Variants in ENO4 observed in about 807,000 individuals in gnomAD.
The protein encoded by ENO4 is enolase 4, also known as 2-phospho-D-glycerate hydro-lyase.
ENO4 carries 53 observed loss-of-function variants against 63.2 expected under a neutral mutation model. The observed-to-expected ratio is 0.84, with a 90% CI of 0.67 to 1.05. The LOEUF (loss-of-function observed/expected upper bound fraction) is 1.05, where lower values mean the gene tolerates loss of function less well. ENO4 is among the 50% of genes least tolerant of loss of function. ENO4 has a pLI of 0.00. For synonymous variants in ENO4, 266 were observed against 283.8 expected (o/e 0.94, Z 0.63); for missense variants, 719 against 772.0 (o/e 0.93, Z 0.81).
chr10:116,895,716 C>T (rs779232982), intron 10 of ENO4, among the ~76,000 whole-genome samples: 5 of 152,096 alleles, frequency 3.3e-5, no homozygotes, highest in South Asian at 2.1e-4. Context: ...AGACACTAAA[C>T]GCAGTACACC....
intron 13 of ENO4, 63 bp downstream of exon 13, chr10:116,880,049 A>AG: frequency 7.7e-7 from 1 of 1,298,828 alleles, no homozygotes. Flanking sequence ...AGATTGGAAG[A>AG]GGGGGAATAG....
intron 10 of ENO4, among the ~76,000 whole-genome samples, chr10:116,875,559 G>A (rs1352173822): frequency 6.2e-5 from 1 of 16,206 alleles, no homozygotes; most frequent in Non-Finnish European, 1.2e-4. Context: ...TGTCCAGGCT[G>A]GTCACACACA....
At position 116,903,083 on chromosome 10, in the gene ENO4, A is replaced by T. The variant is rs75744232; in HGVS notation, c.1195-8416A>T. 6.3e-3 allele frequency among the ~76,000 whole-genome samples: 959 copies of T among 152,348 alleles called. 12 individuals carry two copies. Among genetic ancestry groups the T allele is most frequent in the African/African-American group, 0.022 (919 of 41,578 alleles). ...AAAAATTGTGAACCCATTCTGTTGG[A>T]CACCTCTCTGAGCCTTGCTCTATGC... On this transcript the variant is annotated intron_variant, in intron 10 of 10. Coordinates refer to the ENO4 transcript ENST00000369207.
intron 9 of ENO4, among the ~76,000 whole-genome samples, chr10:116,872,413 T>C (rs966472265): frequency 6.6e-6 from 1 of 152,112 alleles, no homozygotes; most frequent in Non-Finnish European, 1.5e-5. Context: ...AACTGAATCA[T>C]GGTGGCGGGT....
At chr10:116,907,631 T>A (rs1010086930) in intron 10 of ENO4, among the ~76,000 whole-genome samples, 1 of 152,202 alleles carries the variant, frequency 6.6e-6, no homozygotes, top group Non-Finnish European at 1.5e-5. Context: ...AAGGATTTAA[T>A]ACATCAACAA....
intron 10 of ENO4, among the ~76,000 whole-genome samples, chr10:116,896,610 CAT>C (rs1847530158): frequency 6.6e-6 from 1 of 152,118 alleles, no homozygotes; most frequent in Non-Finnish European, 1.5e-5. Flanking sequence ...CATTTGGAAA[CAT>C]ATGTTGAATA....
At chr10:116,905,465 C>T (rs1252331091) in intron 10 of ENO4, among the ~76,000 whole-genome samples, 1 of 152,068 alleles carries the variant, frequency 6.6e-6, no homozygotes, top group East Asian at 1.9e-4. Flanking sequence ...AACTTCCAAA[C>T]CAACCTAAAA....
At chr10:116,880,853 C>G (rs1846985962) in intron 13 of ENO4, among the ~76,000 whole-genome samples, 1 of 152,160 alleles carries the variant, frequency 6.6e-6, no homozygotes, top group African/African-American at 2.4e-5. Context: ...AATCCCAGTT[C>G]CAGCCAGACG....
intron 9 of ENO4, among the ~76,000 whole-genome samples, chr10:116,872,246 CA>C (rs1846716293): frequency 6.6e-6 from 1 of 152,170 alleles, no homozygotes; most frequent in African/African-American, 2.4e-5. Context: ...CAGGGTAATA[CA>C]ACGGCAATTT....
At chr10:116,907,502 T>A (rs1229311371) in intron 10 of ENO4, among the ~76,000 whole-genome samples, 1 of 152,222 alleles carries the variant, frequency 6.6e-6, no homozygotes. Flanking sequence ...AAGATCCATG[T>A]TTCCCTGCTC....
intron 2 of ENO4, 71 bp downstream of exon 2, chr10:116,855,822 C>T (rs1428134027): frequency 7.1e-7 from 1 of 1,415,394 alleles, no homozygotes; most frequent in Admixed American, 2.9e-5. Context: ...CTTGTCTAAG[C>T]TGTAGAAAAT....
chr10:116,861,525 A>T (rs1846415287), intron 6 of ENO4, among the ~76,000 whole-genome samples: 1 of 152,190 alleles, frequency 6.6e-6, no homozygotes, highest in African/African-American at 2.4e-5. Context: ...TGGCAGCAGC[A>T]AGTGAAAGCT....
At position 116,871,247 on chromosome 10, in the gene ENO4, T is replaced by A; in HGVS notation, c.1170T>A (p.Asn390Lys). 1.3e-6 allele frequency: 2 copies of A among 1,550,504 alleles called. No homozygotes were observed. The highest frequency in any genetic ancestry group is 8.7e-7 in the Non-Finnish European group (1 of 1,146,986). Residue 390 changes from asparagine (N) to lysine (K), a missense_variant, in exon 9 of 14, where the codon AAT becomes AAA. Asn to Lys is a moderately conservative substitution (Grantham distance 94, BLOSUM62 0). Around this residue, in one of 3 missense-constraint regions of ENO4, gnomAD observed 544 missense variants for 583.6 expected, o/e 0.93. Coordinates refer to ENST00000341276, the MANE Select transcript of ENO4 (RefSeq NM_001242699.2). Reference protein sequence around the residue: ...CANLGLELGTNLHLAINCAGH... With the variant: ...CANLGLELGTKLHLAINCAGH... ...ACCTGGGGCTAGAACTGGGAACAAA[T>A]CTGCATCTAGCTATCAACTGTGCTG...
chr10:116,890,818 G>A (rs930386971), intron 10 of ENO4, among the ~76,000 whole-genome samples: 8 of 152,324 alleles, frequency 5.3e-5, no homozygotes, highest in African/African-American at 1.9e-4. Flanking sequence ...CAGAACAATG[G>A]CAATGGCCAT....
chr10:116,907,618 C>T (rs531079188), intron 10 of ENO4, among the ~76,000 whole-genome samples: 2 of 152,288 alleles, frequency 1.3e-5, no homozygotes, highest in African/African-American at 2.4e-5. Context: ...CTCAGTGATA[C>T]ATAAGGATTT....
chr10:116,904,552 T>C (rs1847884627), intron 10 of ENO4, among the ~76,000 whole-genome samples: 1 of 152,178 alleles, frequency 6.6e-6, no homozygotes, highest in Non-Finnish European at 1.5e-5. Flanking sequence ...AGTTCTCATT[T>C]TTCTATTCAT....
chr10:116,880,073 G>A (rs1846961565), intron 13 of ENO4, 87 bp downstream of exon 13: 3 of 975,448 alleles, frequency 3.1e-6, no homozygotes, highest in Non-Finnish European at 4.6e-6. Context: ...TCCCTCTGCA[G>A]GAGGGCAGGG....
downstream of ENO4, chr10:116,883,262 T>G (rs888354982): frequency 6.6e-6 from 1 of 152,154 alleles, no homozygotes; most frequent in African/African-American, 2.4e-5. Flanking sequence ...ACTTTCTCTC[T>G]CTTGTGTTAT....
chr10:116,870,916 T>C (rs1451380348), intron 8 of ENO4, among the ~76,000 whole-genome samples: 1 of 151,988 alleles, frequency 6.6e-6, no homozygotes, highest in African/African-American at 2.4e-5. Context: ...CAGGCCAAAC[T>C]TGGAAACCTC....
Sources: gnomAD v4.1 joint callset for allele counts (sites outside exome capture counted in the v4.1 genomes callset) on GRCh38, gnomAD v4.1.1 for gene constraint, gnomAD v4.1.1 regional missense constraint, MANE v1.5 for transcripts, NCBI Gene and HGNC (gene_info 2026-07-23, HGNC 2026-07-21) for gene names.